DIP2C: variants seen among roughly 807,000 people sequenced by gnomAD.
DIP2C encodes the protein DIP2 acetate--CoA ligase C (putative).
DIP2C carries 33 observed loss-of-function variants against 192.4 expected under a neutral mutation model. The observed-to-expected ratio is 0.17, with a 90% CI of 0.13 to 0.23. The LOEUF is 0.23. Among genes scored for constraint, DIP2C ranks in the 10% least tolerant of loss-of-function variants. DIP2C has a pLI of 1.00. For missense variants in DIP2C, 1,537 were observed against 2,110.1 expected, an observed-to-expected ratio of 0.73 and a Z score of 5.32; for synonymous variants, 979 against 864.1, an observed-to-expected ratio of 1.13 and a Z score of -2.33.
chr10:569,776 G>A (rs1404104481), intron 1 of DIP2C, among the ~76,000 whole-genome samples: 2 of 152,148 alleles, frequency 1.3e-5, no homozygotes, highest in African/African-American at 4.8e-5. Context: ...CAAAGGCAGG[G>A]GTAGGGAGGA....
chr10:298,962 ATAAT>A (rs1404491424), intron 32 of DIP2C, among the ~76,000 whole-genome samples: 2 of 152,232 alleles, frequency 1.3e-5, no homozygotes, highest in Non-Finnish European at 2.9e-5. Context: ...GACTTGAAAA[ATAAT>A]TATAGATTTG....
At chr10:382,553 C>T (rs777299334) in intron 17 of DIP2C, 94 bp downstream of exon 17, 31 of 953,460 alleles carry the variant, frequency 3.3e-5, no homozygotes, top group Non-Finnish European at 4.6e-5. Context: ...TCACCCTCAC[C>T]CTCAGCATCA....
intron 32 of DIP2C, among the ~76,000 whole-genome samples, chr10:305,500 A>C (rs1433775425): frequency 6.6e-6 from 1 of 152,216 alleles, no homozygotes; most frequent in Non-Finnish European, 1.5e-5. Flanking sequence ...CTAACCAATG[A>C]GTAGGAATTA....
chr10:458,797 G>C (rs1228603271), intron 3 of DIP2C, among the ~76,000 whole-genome samples: 4 of 152,148 alleles, frequency 2.6e-5, no homozygotes, highest in Non-Finnish European at 5.9e-5. Context: ...CGGCAAGGAG[G>C]ATGCCCTCTA....
At chr10:439,421 A>C (rs1226176343) in intron 4 of DIP2C, among the ~76,000 whole-genome samples, 1 of 135,682 alleles carries the variant, frequency 7.4e-6, no homozygotes, top group Non-Finnish European at 1.5e-5. Context: ...TGTAAATGAA[A>C]AACAACAACA....
chr10:319,463 CTCA>C (rs761824732), intron 31 of DIP2C, among the ~76,000 whole-genome samples: 11 of 152,076 alleles, frequency 7.2e-5, no homozygotes, highest in Non-Finnish European at 1.5e-4. Context: ...AACAGAAGAC[CTCA>C]TGTTTTTCTT....
At chr10:326,026 TA>T (rs1957257840) in intron 31 of DIP2C, among the ~76,000 whole-genome samples, 1 of 151,626 alleles carries the variant, frequency 6.6e-6, no homozygotes, top group Admixed American at 6.6e-5. Flanking sequence ...ACAAAAAATT[TA>T]AAAATTAGCC....
chr10:577,026 C>G (rs1850206286), intron 1 of DIP2C, among the ~76,000 whole-genome samples: 1 of 152,172 alleles, frequency 6.6e-6, no homozygotes, highest in African/African-American at 2.4e-5. Flanking sequence ...TTTTTTCTTA[C>G]TTCGTTACAA....
rs147205742 is a variant in DIP2C, at chr10:671,309, A to G, written c.85+18185T>C. ...GACAGAGGAAACACCACAGATCCACAGACGGAGGAAACGCCACAGACGCAC... is the reference window on the plus strand; with the variant it reads ...GACAGAGGAAACACCACAGATCCACGGACGGAGGAAACGCCACAGACGCAC... On this transcript the variant is annotated intron_variant, in intron 1 of 36. Transcript: ENST00000280886. Among the ~76,000 whole-genome samples, 434 of 151,486 alleles carry G rather than the reference A, an allele frequency of 2.9e-3. 2 individuals are homozygous for G. Among genetic ancestry groups the G allele is most frequent in the African/African-American group, 0.01 (416 of 41,196 alleles).
rs1231559186 is a variant in DIP2C, at chr10:363,617, G to C, written c.2478-306C>G. Reference sequence around the variant, plus strand: ...GGGCAAATGCGCAATGATCAGACCTGCTGAAATTTAGGGAGTCACACCCTT... The same window carrying C: ...GGGCAAATGCGCAATGATCAGACCTCCTGAAATTTAGGGAGTCACACCCTT... On this transcript the variant is annotated intron_variant, in intron 20 of 36. Coordinates refer to ENST00000280886, the MANE Select transcript of DIP2C (RefSeq NM_014974.3). This position sits in a 1 kb window ranked among gnomAD's most constrained non-coding sequence, Gnocchi z 5.4. 6.6e-6 allele frequency among the ~76,000 whole-genome samples: 1 copy of C among 152,202 alleles called. No homozygotes were observed. Among genetic ancestry groups the C allele is most frequent in the Non-Finnish European group, 1.5e-5 (1 of 68,028 alleles).
chr10:386,488 G>A (rs924258392), intron 14 of DIP2C, among the ~76,000 whole-genome samples: 1 of 151,854 alleles, frequency 6.6e-6, no homozygotes, highest in Admixed American at 6.6e-5. Flanking sequence ...CTTATCCCAG[G>A]TCCTTCAATC....
chr10:538,671 C>T (rs1847825490), intron 1 of DIP2C, among the ~76,000 whole-genome samples: 1 of 152,104 alleles, frequency 6.6e-6, no homozygotes, highest in Non-Finnish European at 1.5e-5. Context: ...AACTTAAGAA[C>T]CTCACAAATA....
At chr10:543,003 T>C (rs2130910136) in intron 1 of DIP2C, among the ~76,000 whole-genome samples, 1 of 152,300 alleles carries the variant, frequency 6.6e-6, no homozygotes, top group South Asian at 2.1e-4. Context: ...CCAGGAAAAG[T>C]CAAACATTGA....
chr10:616,287 ACGTTACAGAC>A (rs1229585424), intron 1 of DIP2C, among the ~76,000 whole-genome samples: 4 of 152,284 alleles, frequency 2.6e-5, no homozygotes, highest in African/African-American at 9.6e-5. Context: ...GCTCCTATTT[ACGTTACAGAC>A]AAGCATGAAT....
chr10:528,872 C>T (rs1472539435), intron 1 of DIP2C, among the ~76,000 whole-genome samples: 1 of 152,180 alleles, frequency 6.6e-6, no homozygotes, highest in African/African-American at 2.4e-5. Flanking sequence ...AGCAGCTCTC[C>T]TCTCACTGTG....
At chr10:557,528 G>A (rs934646391) in intron 1 of DIP2C, among the ~76,000 whole-genome samples, 3 of 150,796 alleles carry the variant, frequency 2.0e-5, no homozygotes, top group Non-Finnish European at 1.5e-5. Context: ...ACGACATCAC[G>A]TTTCTCAAAG....
intron 3 of DIP2C, among the ~76,000 whole-genome samples, chr10:443,646 C>G (rs1589807614): frequency 6.6e-6 from 1 of 152,222 alleles, no homozygotes; most frequent in East Asian, 1.9e-4. Flanking sequence ...CTGGTACCTC[C>G]TGCTGCAACC....
At chr10:624,274 G>C (rs1854058658) in intron 1 of DIP2C, among the ~76,000 whole-genome samples, 1 of 152,230 alleles carries the variant, frequency 6.6e-6, no homozygotes, top group Admixed American at 6.5e-5. Flanking sequence ...GAAGGACTGA[G>C]TGGGACCAAA....
intron 32 of DIP2C, among the ~76,000 whole-genome samples, chr10:294,615 G>A (rs1387137108): frequency 1.3e-5 from 2 of 151,048 alleles, no homozygotes; most frequent in Non-Finnish European, 3.0e-5. Context: ...AAAAAAAAGA[G>A]AAGAAAAAAA....
Sources: gnomAD v4.1 joint callset for allele counts (sites outside exome capture counted in the v4.1 genomes callset) on GRCh38, gnomAD v4.1.1 for gene constraint, Gnocchi (gnomAD v3.1) non-coding constraint, MANE v1.5 for transcripts, NCBI Gene and HGNC (gene_info 2026-07-23, HGNC 2026-07-21) for gene names.